The following C8B variants were observed in gnomAD, a reference collection of about 807,000 sequenced individuals.
C8B encodes complement C8 beta chain.
Under a neutral mutation model 64.6 loss-of-function variants are expected in C8B, and 67 were observed. The ratio of observed to expected loss-of-function variants is 1.04; its 90% CI spans 0.85 to 1.27. C8B has a LOEUF of 1.27. C8B is among the 50% of genes most tolerant of loss of function. C8B has a pLI of 0.00. For synonymous variants in C8B, 284 were observed against 257.7 expected, an observed-to-expected ratio of 1.10 and a Z score of -0.98; for missense variants, 790 against 725.2, an observed-to-expected ratio of 1.09 and a Z score of -1.03.
chr1:56,942,301 C>G (rs537051632), intron 8 of C8B, among the ~76,000 whole-genome samples: 1 of 152,308 alleles, frequency 6.6e-6, no homozygotes, highest in South Asian at 2.1e-4. Flanking sequence ...ACAGTGGCCA[C>G]TATAAAGCAA....
chr1:56,937,597 A>G (rs1467714914), intron 9 of C8B, among the ~76,000 whole-genome samples: 1 of 152,232 alleles, frequency 6.6e-6, no homozygotes, highest in African/African-American at 2.4e-5. Flanking sequence ...TACATGGATG[A>G]CAGACTTTGT....
chr1:56,954,868 G>A (rs761328916), intron 3 of C8B, 41 bp from the exon 4 acceptor site: 4 of 1,613,608 alleles, frequency 2.5e-6, no homozygotes, highest in Non-Finnish European at 2.5e-6. Flanking sequence ...CACATGGTTG[G>A]CAAGAAAGGA....
Position 56,946,037 on chromosome 1 carries a change from A to C in C8B, c.889T>G (p.Ser297Ala). The change falls in exon 7 of 12, where the codon TCT becomes GCT. Residue 297 changes from serine to alanine, a missense_variant. Physicochemically the swap from Ser to Ala is moderately conservative, Grantham distance 99. Transcript: ENST00000371237. ...TTGTAATGTGCTACTTCAAGGTCAG[A>C]GCGTGCATGCAGAAATACGCTTTTC... is the stretch of plus-strand genomic sequence containing the variant. ...HTKSVFLHAR[S>A]DLEVAHYKLK... 2.5e-6 allele frequency: 4 copies of C among 1,614,144 alleles called. No homozygotes were observed. Among genetic ancestry groups the C allele is most frequent in the Non-Finnish European group, 3.4e-6 (4 of 1,179,994 alleles).
In C8B at chr1:56,956,788, G is replaced by T. The variant is rs1190068440; in HGVS notation, c.372C>A (p.Gly124=). Residue 124 remains glycine, a synonymous_variant, in exon 3 of 12, where the codon GGC becomes GGA. Coordinates refer to ENST00000371237, the MANE Select transcript of C8B (RefSeq NM_000066.4). ...TTATACCTGTCTGTGCACACACAAA[G>T]CCTTCACATCGCACTTGACTTCCGC... is the stretch of plus-strand genomic sequence containing the variant. The part of the protein sequence containing the change: ...RPCGSQVRCE[G]FVCAQTGRCV... 1 of 1,614,016 alleles carries T rather than the reference G, an allele frequency of 6.2e-7. No homozygotes were observed. The highest frequency in any genetic ancestry group is 8.5e-7 in the Non-Finnish European group (1 of 1,179,974).
intron 1 of C8B, among the ~76,000 whole-genome samples, chr1:56,961,988 C>T (rs1645186529): frequency 6.6e-6 from 1 of 152,174 alleles, no homozygotes; most frequent in African/African-American, 2.4e-5. Flanking sequence ...TGTGATTTGG[C>T]TTCTCCTAAG....
chr1:56,948,048 T>G (rs1644968475), intron 6 of C8B, among the ~76,000 whole-genome samples: 1 of 152,210 alleles, frequency 6.6e-6, no homozygotes, highest in African/African-American at 2.4e-5. Flanking sequence ...AATATTATCC[T>G]AGAGGCTACA....
chr1:56,952,212 T>C, intron 4 of C8B, 32 bp from the exon 5 acceptor site: 1 of 1,613,290 alleles, frequency 6.2e-7, no homozygotes, highest in Non-Finnish European at 8.5e-7. Context: ...GGCGAAGAGG[T>C]TAAAGTTTGC....
Position 56,954,622 on chromosome 1 carries a change from A to G in C8B, c.533+64T>C, listed in dbSNP as rs542836600. On this transcript the variant is annotated intron_variant, in intron 4 of 11. Coordinates refer to ENST00000371237, the MANE Select transcript of C8B (RefSeq NM_000066.4). ...GTTTATATCAGTTCTCTCATTCTCT[A>G]TCCGCCAGAATTCCATTTAATGCTG... is the stretch of plus-strand genomic sequence containing the variant. 1.7e-5 allele frequency: 27 copies of G among 1,596,996 alleles called. No homozygotes were observed. In the South Asian group the frequency reaches 2.4e-4, roughly 14 times the overall value.
chr1:56,935,647 A>G (rs989752948), intron 9 of C8B, among the ~76,000 whole-genome samples: 1 of 152,232 alleles, frequency 6.6e-6, no homozygotes, highest in Non-Finnish European at 1.5e-5. Context: ...TATATACATT[A>G]TCTAACTTAA....
rs148695486 is a variant in C8B, at chr1:56,945,851, C to T, written c.1075G>A (p.Val359Ile). 79 of 1,614,076 alleles carry T rather than the reference C, an allele frequency of 4.9e-5. No homozygotes were observed. Among genetic ancestry groups the T allele is most frequent in the Admixed American group, 1.5e-4 (9 of 60,016 alleles). The change falls in exon 7 of 12, where the codon GTT (valine) becomes ATT (isoleucine). Residue 359 changes from valine to isoleucine, a missense_variant. Coordinates refer to ENST00000371237, the MANE Select transcript of C8B (RefSeq NM_000066.4). The stretch of plus-strand genomic sequence containing the variant: ...CTCTCCATGGCCTCTTTGTTCATAA[C>T]GAGGGTGTATTCATAAATGCCCCCA... ...VLGGIYEYTL[V>I]MNKEAMERGD... is the part of the protein sequence containing the mutation.
At chr1:56,955,732 G>T (rs574386789) in intron 3 of C8B, among the ~76,000 whole-genome samples, 2 of 152,254 alleles carry the variant, frequency 1.3e-5, no homozygotes, top group South Asian at 4.1e-4. Flanking sequence ...CAGATTTATT[G>T]GATAGAATTT....
chr1:56,959,678 G>C, intron 2 of C8B: 1 of 1,465,392 alleles, frequency 6.8e-7, no homozygotes, highest in Non-Finnish European at 9.2e-7. Context: ...TGGGTAGACT[G>C]TGAATGGTTT....
chr1:56,945,185 A>G (rs775604408), intron 7 of C8B, among the ~76,000 whole-genome samples: 1 of 152,224 alleles, frequency 6.6e-6, no homozygotes, highest in Non-Finnish European at 1.5e-5. Context: ...CTTGATTCAC[A>G]TCCACATTAA....
At chr1:56,941,923 T>C (rs1454825014) in intron 8 of C8B, among the ~76,000 whole-genome samples, 1 of 152,238 alleles carries the variant, frequency 6.6e-6, no homozygotes, top group Non-Finnish European at 1.5e-5. Context: ...ATCTCTGACT[T>C]TGTCTAGCCT....
At chr1:56,948,206 G>A (rs1557736015) in intron 6 of C8B, among the ~76,000 whole-genome samples, 2 of 152,168 alleles carry the variant, frequency 1.3e-5, no homozygotes, top group Non-Finnish European at 2.9e-5. Flanking sequence ...GATCAGATTA[G>A]TATCATAGAA....
At chr1:56,944,145 T>C (rs918352840) in intron 7 of C8B, among the ~76,000 whole-genome samples, 1 of 152,208 alleles carries the variant, frequency 6.6e-6, no homozygotes, top group East Asian at 1.9e-4. Flanking sequence ...ATAGATCCAG[T>C]GAGTACAGTG....
At chr1:56,944,795 T>C (rs1338915466) in intron 7 of C8B, among the ~76,000 whole-genome samples, 2 of 152,238 alleles carry the variant, frequency 1.3e-5, no homozygotes, top group Non-Finnish European at 1.5e-5. Flanking sequence ...AAAATTTACA[T>C]GGTGTACCAC....
chr1:56,948,958 T>C (rs1644981227), intron 6 of C8B, among the ~76,000 whole-genome samples: 1 of 151,678 alleles, frequency 6.6e-6, no homozygotes, highest in African/African-American at 2.4e-5. Flanking sequence ...TGAAAGAAAA[T>C]AATTAGAGAA....
intron 11 of C8B, 122 bp from the exon 12 acceptor site, chr1:56,929,680 G>A: frequency 1.1e-6 from 1 of 899,922 alleles, no homozygotes; most frequent in South Asian, 1.4e-5. Context: ...GCTCCCTGCT[G>A]CCATTTTCCT....
Sources: gnomAD v4.1 joint callset for allele counts (sites outside exome capture counted in the v4.1 genomes callset) on GRCh38, gnomAD v4.1.1 for gene constraint, MANE v1.5 for transcripts, NCBI Gene and HGNC (gene_info 2026-07-23, HGNC 2026-07-21) for gene names.